ACP7: variants seen among roughly 807,000 people sequenced by gnomAD.
ACP7 encodes acid phosphatase type 7.
A neutral mutation model predicts 60.6 loss-of-function variants in ACP7; 58 were observed. That is an observed-to-expected ratio of 0.96 (90% CI 0.77 to 1.19). The LOEUF is 1.19. Ranked by LOEUF, ACP7 falls within the 50% of genes most tolerant of loss-of-function variation. The pLI, the probability that ACP7 is intolerant of heterozygous loss-of-function variation, is 0.00. For missense variants in ACP7, 574 were observed against 596.2 expected, an observed-to-expected ratio of 0.96 and a Z score of 0.39; for synonymous variants, 237 against 232.6, an observed-to-expected ratio of 1.02 and a Z score of -0.17.
At chr19:39,093,156 CTCTT>C (rs892403797) in intron 2 of ACP7, among the ~76,000 whole-genome samples, 5 of 50,932 alleles carry the variant, frequency 9.8e-5, no homozygotes, top group African/African-American at 3.4e-4. Context: ...TTCTTTCTTT[CTCTT>C]TCTTTCTTTC....
chr19:39,085,488 C>T (rs757728681), intron 2 of ACP7, 98 bp downstream of exon 2: 166 of 1,449,028 alleles, frequency 1.1e-4, no homozygotes, highest in Middle Eastern at 5.5e-4. Context: ...AGCCCCTAGG[C>T]GGGTGGCTCA....
In ACP7 at chr19:39,103,579, C is replaced by T. The variant is rs191459965; in HGVS notation, c.1113+2042C>T. Among the ~76,000 whole-genome samples the T allele has an allele frequency of 1.4e-3, 211 of 151,056 alleles. 3 individuals are homozygous for T. Among genetic ancestry groups the T allele is most frequent in the African/African-American group, 4.7e-3 (195 of 41,224 alleles). On this transcript the variant is annotated intron_variant, in intron 11 of 12. Transcript: ENST00000331256. The stretch of plus-strand genomic sequence containing the variant: ...CAGTGGCTCACGCCTATAATCCCAA[C>T]ACTTTGGGAGGCTGAGGCAGGCAGG...
At chr19:39,099,666 G>C (rs964925801) in intron 4 of ACP7, among the ~76,000 whole-genome samples, 3 of 151,964 alleles carry the variant, frequency 2.0e-5, no homozygotes, top group Non-Finnish European at 4.4e-5. Context: ...TGGGGCCTCA[G>C]TTTCCCCATC....
chr19:39,101,025 A>T lies in ACP7; in HGVS notation c.884A>T (p.Asp295Val), dbSNP rs778611524. Residue 295 changes from aspartate (D) to valine (V), a missense_variant, in exon 8 of 13, where the codon GAT (aspartate) becomes GTT (valine). Physicochemically the swap from Asp to Val is radical, Grantham distance 152. Transcript: ENST00000331256. ...GHRPMYCSNA[D>V]LDDCTRHESK... Reference sequence around the variant, plus strand: ...CGGCCCATGTACTGCTCCAACGCAGATCTGGACGACTGCACACGACATGAA... The same window carrying T: ...CGGCCCATGTACTGCTCCAACGCAGTTCTGGACGACTGCACACGACATGAA... 6.2e-7 allele frequency: 1 copy of T among 1,614,012 alleles called. No individual in the cohort carries two copies. Among genetic ancestry groups the T allele is most frequent in the African/African-American group, 1.3e-5 (1 of 75,018 alleles).
At chr19:39,084,183 G>C (rs1057129164), upstream of ACP7, 1 of 152,372 alleles carries the variant, frequency 6.6e-6, no homozygotes, top group Non-Finnish European at 1.5e-5. Context: ...CGCCCTGGTG[G>C]GGTGGGCGGG....
At chr19:39,098,106 C>T (rs565812) in intron 2 of ACP7, among the ~76,000 whole-genome samples, 28,781 of 151,580 alleles carry the variant, frequency 0.19, 2,735 homozygotes, top group Non-Finnish European at 0.21. Context: ...CAAAAATTAG[C>T]CAGGCATGGT....
intron 2 of ACP7, among the ~76,000 whole-genome samples, chr19:39,090,450 T>C (rs1370528957): frequency 6.6e-6 from 1 of 151,652 alleles, no homozygotes; most frequent in African/African-American, 2.4e-5. Context: ...ATTACAGGCA[T>C]GAGCCACTGT....
intron 11 of ACP7, 148 bp from the exon 12 acceptor site, chr19:39,106,799 C>CAGGCATG: frequency 1.1e-6 from 1 of 880,870 alleles, no homozygotes; most frequent in Non-Finnish European, 1.7e-6. Flanking sequence ...GCTGGAATTA[C>CAGGCATG]AGGCATGAGC....
At chr19:39,101,263 C>G in intron 9 of ACP7, 25 bp from the exon 10 acceptor site, 1 of 1,614,218 alleles carries the variant, frequency 6.2e-7, no homozygotes, top group South Asian at 1.1e-5. Context: ...ATTCAGAGGT[C>G]TGATCCCCGC....
chr19:39,098,627 G>T lies in ACP7; in HGVS notation c.291G>T (p.Thr97=). 2 of 1,612,930 alleles carry T rather than the reference G, an allele frequency of 1.2e-6. No homozygotes were observed. Among genetic ancestry groups the T allele is most frequent in the Non-Finnish European group, 1.7e-6 (2 of 1,179,444 alleles). The part of the protein sequence containing the change: ...LRRKLYIHRV[T]LRKLLPGVQY... ...GGAAGCTCTACATACACCGAGTCAC[G>T]CTTCGCAAGCTGCTGCCAGGGGTTC... Residue 97 remains threonine, a synonymous_variant, in exon 3 of 13, where the codon ACG becomes ACT. Transcript: ENST00000331256.
rs201316402 is a variant in ACP7, at chr19:39,110,008, C to T, written c.1252-45C>T. On this transcript the variant is annotated intron_variant, in intron 12 of 12. Coordinates refer to ENST00000331256, the MANE Select transcript of ACP7 (RefSeq NM_001004318.3). The stretch of plus-strand genomic sequence containing the variant: ...ACCCAGGCCATGTGGCCCCAGAGTT[C>T]AGGCTTTCAGCTCTAACTACTGTCC... The T allele has an allele frequency of 3.2e-6, 5 of 1,583,014 alleles. No homozygotes were observed. The African/African-American group carries it at 6.7e-5, about 21-fold the overall frequency.
chr19:39,099,765 G>T, intron 4 of ACP7, among the ~76,000 whole-genome samples: 1 of 151,882 alleles, frequency 6.6e-6, no homozygotes, highest in East Asian at 1.9e-4. Flanking sequence ...GGCCAAGGTG[G>T]GTGGATCACT....
chr19:39,107,838 A>T (rs1382084013), intron 12 of ACP7, among the ~76,000 whole-genome samples: 1 of 151,864 alleles, frequency 6.6e-6, no homozygotes, highest in African/African-American at 2.4e-5. Context: ...GTGACCCAAG[A>T]TGGCACCACT....
At chr19:39,096,462 C>A (rs567867049) in intron 2 of ACP7, among the ~76,000 whole-genome samples, 5 of 152,190 alleles carry the variant, frequency 3.3e-5, no homozygotes, top group Non-Finnish European at 5.9e-5. Flanking sequence ...GCCTGGATTT[C>A]ATTGTCCATA....
chr19:39,110,082 G>T lies in ACP7; in HGVS notation c.1281G>T (p.Val427=). ...QDGKIVDDVW[V]VRPLFGRRMY... ...GGAAGATCGTAGATGATGTCTGGGT[G>T]GTGAGACCCCTGTTTGGCCGGAGGA... Residue 427 remains valine, a synonymous_variant, in exon 13 of 13, where the codon GTG becomes GTT. Transcript: ENST00000331256. 6.2e-7 allele frequency: 1 copy of T among 1,614,008 alleles called. No homozygotes were observed. Among genetic ancestry groups the T allele is most frequent in the African/African-American group, 1.3e-5 (1 of 75,052 alleles).
At chr19:39,109,651 C>T (rs2145049781) in intron 12 of ACP7, among the ~76,000 whole-genome samples, 1 of 137,880 alleles carries the variant, frequency 7.3e-6, no homozygotes, top group Admixed American at 7.9e-5. Flanking sequence ...GTTGCCACTG[C>T]ACTCCAGCCT....
In ACP7 at chr19:39,092,768, CCT is replaced by C. The variant is rs1196310781; in HGVS notation, c.122-5687_122-5686del. Among the ~76,000 whole-genome samples, 11 of 135,164 alleles carry C rather than the reference CCT, an allele frequency of 8.1e-5. No individual in the cohort carries two copies. In the East Asian group the frequency reaches 1.9e-3, roughly 23 times the overall value. The allele number at this position is 135,164 out of a possible 152,430, so 88.7% of individuals were successfully genotyped here. A position where few individuals can be genotyped will look rare whatever the true frequency, so the allele number is the denominator to read the frequency against. The stretch of plus-strand genomic sequence containing the variant: ...TTCATCCCTACTACTCTTTCCCATT[CCT>C]CTTTTTTTTTTTTTTTTTTTTTTTT... On this transcript the variant is annotated intron_variant, in intron 2 of 12. Transcript: ENST00000331256.
intron 2 of ACP7, among the ~76,000 whole-genome samples, chr19:39,094,480 G>T (rs562671989): frequency 6.9e-6 from 1 of 145,984 alleles, no homozygotes; most frequent in South Asian, 2.3e-4. Context: ...TCCAGCTTGG[G>T]CGACAGAGTG....
intron 11 of ACP7, among the ~76,000 whole-genome samples, chr19:39,102,714 C>CTT: frequency 4.1e-5 from 2 of 48,240 alleles, no homozygotes; most frequent in South Asian, 1.6e-3. Context: ...CCAATGAAGA[C>CTT]TTTTCTTTCT....
Sources: allele counts gnomAD v4.1 joint callset (sites outside exome capture counted in the v4.1 genomes callset), GRCh38; gene constraint gnomAD v4.1.1; transcripts MANE v1.5; gene names NCBI Gene and HGNC (gene_info 2026-07-23, HGNC 2026-07-21).